Variants in ZFHX4 observed in about 807,000 individuals in gnomAD.
ZFHX4 encodes zinc finger homeobox 4.
In ZFHX4, 56 loss-of-function variants were observed where a neutral mutation model predicts 267.6. The ratio of observed to expected loss-of-function variants is 0.21; its 90% CI spans 0.17 to 0.26. The LOEUF is 0.26. Among genes scored for constraint, ZFHX4 ranks in the 10% least tolerant of loss-of-function variants. ZFHX4 has a pLI of 1.00. For missense variants in ZFHX4, 4,332 were observed against 4,420.0 expected (o/e 0.98, Z 0.56); for synonymous variants, 1,778 against 1,665.6 (o/e 1.07, Z -1.64).
At chr8:76,723,886 G>T (rs560181889) in intron 3 of ZFHX4, among the ~76,000 whole-genome samples, 1 of 152,066 alleles carries the variant, frequency 6.6e-6, no homozygotes, top group Non-Finnish European at 1.5e-5. Context: ...ATGGGAACAT[G>T]CATTGAAGCA....
intron 4 of ZFHX4, among the ~76,000 whole-genome samples, chr8:76,827,867 A>C (rs1452183658): frequency 6.6e-6 from 1 of 152,202 alleles, no homozygotes; most frequent in Non-Finnish European, 1.5e-5. Context: ...ATAAAAAATT[A>C]CAAATCCAGC....
rs1287153891 is a variant in ZFHX4, at chr8:76,771,629, G to A, written c.3094-6579G>A. Among the ~76,000 whole-genome samples, 3 of 151,862 alleles carry A rather than the reference G, an allele frequency of 2.0e-5. No homozygotes were observed. The East Asian group carries it at 5.8e-4, about 29-fold the overall frequency. ...AATTTATTTAATTTTTTGAAGAGAT[G>A]GGTTCTCACTTTCTTGTCCAGGCTG... On this transcript the variant is annotated intron_variant, in intron 3 of 10. Transcript: ENST00000651372.
At chr8:76,706,785 T>C in intron 2 of ZFHX4, 107 bp downstream of exon 2, 2 of 1,234,860 alleles carry the variant, frequency 1.6e-6, no homozygotes, top group Non-Finnish European at 2.2e-6. Context: ...GAGGACAGCT[T>C]ACTAGAAAGG....
intron 4 of ZFHX4, among the ~76,000 whole-genome samples, chr8:76,799,238 C>G (rs936624678): frequency 6.6e-6 from 1 of 152,138 alleles, no homozygotes; most frequent in Non-Finnish European, 1.5e-5. Context: ...AGTGGTGCCT[C>G]TCCTTCTGTC....
Position 76,685,529 on chromosome 8 carries a change from A to G in ZFHX4, c.-47+3909A>G, listed in dbSNP as rs145087359. The stretch of plus-strand genomic sequence containing the variant: ...CCCGTGTTCGATTAAGAACTAAAAG[A>G]TATTGAAAATATAATATATACGTTT... On this transcript the variant is annotated intron_variant, in intron 1 of 10. Coordinates refer to ENST00000651372, the MANE Select transcript of ZFHX4 (RefSeq NM_024721.5). 2.4e-4 allele frequency among the ~76,000 whole-genome samples: 36 copies of G among 152,338 alleles called. No individual in the cohort carries two copies. In the East Asian group the frequency reaches 6.9e-3, roughly 29 times the overall value.
At position 76,778,423 on chromosome 8, in the gene ZFHX4, CCCA is replaced by C; in HGVS notation, c.3313_3315del (p.Pro1105del). The stretch of plus-strand genomic sequence containing the variant: ...GTGAGATCTTTTTTGTTAAAGATTG[CCCA>C]CCAAATGAGCTTGGTGAGTAACCCT... On this transcript the variant is annotated inframe_deletion, in exon 4 of 11. Transcript: ENST00000651372. The C allele has an allele frequency of 6.2e-7, 1 of 1,613,492 alleles. No individual in the cohort carries two copies. The highest frequency in any genetic ancestry group is 8.5e-7 in the Non-Finnish European group (1 of 1,179,740).
intron 7 of ZFHX4, 88 bp from the exon 8 acceptor site, chr8:76,849,424 A>G (rs141895584): frequency 8.0e-7 from 1 of 1,243,982 alleles, no homozygotes; most frequent in East Asian, 2.3e-5. Context: ...GTACCAAAAT[A>G]TCACACGTAC....
chr8:76,833,557 A>G (rs2131892032), intron 5 of ZFHX4, 151 bp downstream of exon 5: 1 of 589,932 alleles, frequency 1.7e-6, no homozygotes, highest in South Asian at 2.1e-5. Flanking sequence ...GCAAAATGAA[A>G]TAAATTCAAT....
chr8:76,806,965 C>A (rs1811261345), intron 4 of ZFHX4, among the ~76,000 whole-genome samples: 1 of 151,988 alleles, frequency 6.6e-6, no homozygotes, highest in African/African-American at 2.4e-5. Flanking sequence ...GGCTGGGAAC[C>A]ACACATCTCT....
rs187927720 is a variant in ZFHX4 at position 76,807,701 on chromosome 8, C to A, written c.3326-25637C>A. On this transcript the variant is annotated intron_variant, in intron 4 of 10. Coordinates refer to ENST00000651372, the MANE Select transcript of ZFHX4 (RefSeq NM_024721.5). ...GACTCAGCCCTGTTAAGATGCCATTCCCCATGGAGATCATTCAGTTTTGTT... is the reference window on the plus strand; with the variant it reads ...GACTCAGCCCTGTTAAGATGCCATTACCCATGGAGATCATTCAGTTTTGTT... Among the ~76,000 whole-genome samples, 79 of 152,258 alleles carry A rather than the reference C, an allele frequency of 5.2e-4. 1 individual carries two copies. The highest frequency in any genetic ancestry group is 1.8e-3 in the African/African-American group (76 of 41,550).
At chr8:76,813,101 A>G (rs999428167) in intron 4 of ZFHX4, among the ~76,000 whole-genome samples, 2 of 152,098 alleles carry the variant, frequency 1.3e-5, no homozygotes, top group Admixed American at 1.3e-4. Flanking sequence ...AAAATTCTAA[A>G]AATTTGTTTC....
chr8:76,713,203 C>T (rs1176547542), intron 3 of ZFHX4, among the ~76,000 whole-genome samples: 1 of 152,060 alleles, frequency 6.6e-6, no homozygotes, highest in African/African-American at 2.4e-5. Context: ...ACATTGTGAG[C>T]TGAGAACCCT....
At chr8:76,699,077 C>A (rs1394549292) in intron 1 of ZFHX4, among the ~76,000 whole-genome samples, 1 of 152,158 alleles carries the variant, frequency 6.6e-6, no homozygotes, top group East Asian at 1.9e-4. Context: ...CTGTAATTAA[C>A]TCCAGAGTGT....
chr8:76,820,217 A>C (rs1482746512), intron 4 of ZFHX4, among the ~76,000 whole-genome samples: 2 of 152,184 alleles, frequency 1.3e-5, no homozygotes, highest in Admixed American at 6.5e-5. Context: ...TTAAAAATTC[A>C]ATTTCTTTAC....
chr8:76,813,724 C>T (rs1045614655), intron 4 of ZFHX4, among the ~76,000 whole-genome samples: 3 of 152,138 alleles, frequency 2.0e-5, no homozygotes, highest in Admixed American at 2.0e-4. Context: ...TCTACACTCT[C>T]TAGGTTACAT....
intron 10 of ZFHX4, among the ~76,000 whole-genome samples, chr8:76,862,791 A>G (rs1256215524): frequency 6.6e-6 from 1 of 152,164 alleles, no homozygotes; most frequent in Non-Finnish European, 1.5e-5. Flanking sequence ...GTTCACGATG[A>G]TGTTTTTTGT....
chr8:76,853,240 G>A lies in ZFHX4; in HGVS notation c.6319G>A (p.Ala2107Thr). 6.3e-7 allele frequency: 1 copy of A among 1,580,094 alleles called. No homozygotes were observed. Among genetic ancestry groups the A allele is most frequent in the Non-Finnish European group, 8.6e-7 (1 of 1,162,480 alleles). Residue 2107 changes from alanine (A) to threonine (T), a missense_variant, in exon 10 of 11, where the codon GCA becomes ACA. Physicochemically the swap from Ala to Thr is moderately conservative, Grantham distance 58. Coordinates refer to ENST00000651372, the MANE Select transcript of ZFHX4 (RefSeq NM_024721.5). The part of the protein sequence containing the change: ...LQLPQMDALS[A>T]DLTQLCQQQL... ...GCTGCCACAGATGGACGCACTCTCT[G>A]CAGACCTCACCCAACTTTGCCAGCA...
chr8:76,683,574 T>C (rs1375081002), intron 1 of ZFHX4, among the ~76,000 whole-genome samples: 3 of 151,526 alleles, frequency 2.0e-5, no homozygotes, highest in Non-Finnish European at 4.4e-5. Flanking sequence ...ATTAACTCTG[T>C]TCCATGTTTA....
At chr8:76,813,959 G>A (rs1811439202) in intron 4 of ZFHX4, among the ~76,000 whole-genome samples, 1 of 151,898 alleles carries the variant, frequency 6.6e-6, no homozygotes, top group Non-Finnish European at 1.5e-5. Flanking sequence ...TAAAAGAGGA[G>A]TACTTTTTGC....
Sources: gnomAD v4.1 joint callset for allele counts (sites outside exome capture counted in the v4.1 genomes callset) on GRCh38, gnomAD v4.1.1 for gene constraint, MANE v1.5 for transcripts, NCBI Gene and HGNC (gene_info 2026-07-23, HGNC 2026-07-21) for gene names.